The following TANC1 variants were observed in gnomAD, a reference collection of about 807,000 sequenced individuals.
The protein encoded by TANC1 is protein TANC1.
In TANC1, 77 loss-of-function variants were observed where a neutral mutation model predicts 149.7. The ratio of observed to expected loss-of-function variants is 0.51; its 90% confidence interval spans 0.43 to 0.62. The LOEUF is 0.62. TANC1 is among the 20% of genes least tolerant of loss of function. The probability of loss-of-function intolerance (pLI) is 0.00; values close to 1 mark genes in which losing one functional copy is unlikely to be tolerated. For synonymous variants in TANC1, 854 were observed against 925.0 expected (o/e 0.92, Z 1.39); for missense variants, 1,985 against 2,321.8 (o/e 0.85, Z 2.98).
intron 3 of TANC1, among the ~76,000 whole-genome samples, chr2:159,086,345 G>C (rs1322242143): frequency 6.6e-6 from 1 of 152,132 alleles, no homozygotes; most frequent in Non-Finnish European, 1.5e-5. Context: ...GGACCCTGCA[G>C]TGTCTGTAGG....
At chr2:159,030,859 G>A (rs1158341138) in intron 2 of TANC1, among the ~76,000 whole-genome samples, 1 of 152,128 alleles carries the variant, frequency 6.6e-6, no homozygotes, top group African/African-American at 2.4e-5. Context: ...TCTCAGAGTT[G>A]GGGGCAGCAG....
chr2:159,196,838 G>A, intron 18 of TANC1, 45 bp downstream of exon 18: 1 of 1,550,738 alleles, frequency 6.4e-7, no homozygotes, highest in Non-Finnish European at 8.7e-7. Context: ...AGAAGCTGTA[G>A]CCCAGCAAGT....
chr2:159,027,376 C>T (rs2149461257), intron 2 of TANC1, among the ~76,000 whole-genome samples: 1 of 152,302 alleles, frequency 6.6e-6, no homozygotes, highest in South Asian at 2.1e-4. Flanking sequence ...AGGACATGGA[C>T]ACAATTTAGC....
chr2:159,177,275 T>C (rs988946300), intron 13 of TANC1, among the ~76,000 whole-genome samples: 2 of 152,040 alleles, frequency 1.3e-5, no homozygotes, highest in Admixed American at 1.3e-4. Context: ...AAGCATGAGG[T>C]AACATTTGCA....
At chr2:159,046,087 T>C (rs534112982) in intron 2 of TANC1, among the ~76,000 whole-genome samples, 2 of 152,270 alleles carry the variant, frequency 1.3e-5, no homozygotes, top group African/African-American at 4.8e-5. Context: ...GAAAGGAAAT[T>C]TATTTAGAAA....
intron 1 of TANC1, among the ~76,000 whole-genome samples, chr2:158,993,705 A>G (rs1279971676): frequency 6.6e-6 from 1 of 152,126 alleles, no homozygotes; most frequent in African/African-American, 2.4e-5. Context: ...AGAAGACATT[A>G]CCTTTTGTCC....
chr2:159,107,813 C>G (rs1475324394), intron 4 of TANC1, among the ~76,000 whole-genome samples: 1 of 152,304 alleles, frequency 6.6e-6, no homozygotes, highest in South Asian at 2.1e-4. Context: ...GAAGTAATAT[C>G]CTTTTGCTCC....
At chr2:159,101,828 A>G (rs1298438823) in intron 4 of TANC1, among the ~76,000 whole-genome samples, 1 of 152,204 alleles carries the variant, frequency 6.6e-6, no homozygotes, top group Non-Finnish European at 1.5e-5. Context: ...ATCATGAATG[A>G]ATGAGAAGCA....
intron 8 of TANC1, among the ~76,000 whole-genome samples, chr2:159,164,141 A>G (rs73002943): frequency 6.6e-6 from 1 of 152,124 alleles, no homozygotes; most frequent in South Asian, 2.1e-4. Context: ...AAAGGCTGGC[A>G]ACTGTCAGTA....
At chr2:159,227,621 G>C (rs1282972909) in intron 24 of TANC1, 198 bp from the exon 25 acceptor site, 3 of 582,694 alleles carry the variant, frequency 5.1e-6, no homozygotes. Flanking sequence ...GGATGCGGGT[G>C]CATGTGAGGA....
chr2:159,063,181 C>G (rs1465755829), intron 2 of TANC1, among the ~76,000 whole-genome samples: 3 of 152,014 alleles, frequency 2.0e-5, no homozygotes, highest in Non-Finnish European at 4.4e-5. Context: ...AGAACCAGAA[C>G]AAGAAGTAGT....
intron 7 of TANC1, among the ~76,000 whole-genome samples, chr2:159,158,545 C>T (rs2053673290): frequency 6.6e-6 from 1 of 152,200 alleles, no homozygotes; most frequent in African/African-American, 2.4e-5. Context: ...GTTGTGATTT[C>T]TTAAGGATCA....
intron 1 of TANC1, among the ~76,000 whole-genome samples, chr2:158,983,379 A>G (rs1284646035): frequency 6.7e-6 from 1 of 150,198 alleles, no homozygotes; most frequent in Non-Finnish European, 1.5e-5. Flanking sequence ...AGGCAGGAGA[A>G]TAGCGTGAAC....
rs767353731 is a variant in TANC1, at chr2:159,178,612, C to G, written c.1959C>G (p.Asn653Lys). ...VKLSLDDFPDNKDIHSDLHAY... is the reference protein window; with the variant it reads ...VKLSLDDFPDKKDIHSDLHAY... ...TTTCCTTAGATGACTTCCCAGACAACAAAGACATCCACAGTGACCTGCACG... is the reference window on the plus strand; with the variant it reads ...TTTCCTTAGATGACTTCCCAGACAAGAAAGACATCCACAGTGACCTGCACG... The change falls in exon 14 of 27, where the codon AAC becomes AAG. Residue 653 changes from asparagine to lysine, a missense_variant. This residue lies in a region of TANC1 where 508 missense variants were observed against 714.2 expected (regional missense o/e 0.71). Transcript: ENST00000263635. 1 of 1,609,246 alleles carries G rather than the reference C, an allele frequency of 6.2e-7. No homozygotes were observed. The highest frequency in any genetic ancestry group is 8.5e-7 in the Non-Finnish European group (1 of 1,178,272).
At chr2:159,179,221 A>G in intron 14 of TANC1, 58 bp downstream of exon 14, 1 of 1,554,120 alleles carries the variant, frequency 6.4e-7, no homozygotes, top group Admixed American at 1.9e-5. Flanking sequence ...AGTTGGGGAA[A>G]GGATTTAAAT....
intron 14 of TANC1, 37 bp from the exon 15 acceptor site, chr2:159,185,754 G>T (rs991441845): frequency 2.7e-6 from 4 of 1,459,024 alleles, no homozygotes; most frequent in Non-Finnish European, 3.8e-6. Flanking sequence ...GGTGGAATGG[G>T]CTCTTCTGCT....
chr2:159,114,332 G>A (rs2048028825), intron 4 of TANC1, among the ~76,000 whole-genome samples: 1 of 152,190 alleles, frequency 6.6e-6, no homozygotes, highest in African/African-American at 2.4e-5. Context: ...GATATCAGTG[G>A]CCAGGTCAAG....
chr2:159,025,840 C>T (rs2039296332), intron 2 of TANC1, among the ~76,000 whole-genome samples: 1 of 152,186 alleles, frequency 6.6e-6, no homozygotes, highest in African/African-American at 2.4e-5. Flanking sequence ...AAGGCCTTTT[C>T]AGGGATTCAG....
intron 19 of TANC1, among the ~76,000 whole-genome samples, chr2:159,210,298 T>A (rs1317025475): frequency 6.6e-6 from 1 of 152,178 alleles, no homozygotes; most frequent in African/African-American, 2.4e-5. Context: ...GACCCATTGT[T>A]GTGATCTGTA....
Sources: gnomAD v4.1 joint callset for allele counts (sites outside exome capture counted in the v4.1 genomes callset) on GRCh38, gnomAD v4.1.1 for gene constraint, gnomAD v4.1.1 regional missense constraint, MANE v1.5 for transcripts, NCBI Gene and HGNC (gene_info 2026-07-23, HGNC 2026-07-21) for gene names.